Variants in TRAK1 observed in about 807,000 individuals in gnomAD.
TRAK1 encodes trafficking kinesin-binding protein 1.
Under a neutral mutation model 92.1 loss-of-function variants are expected in TRAK1, and 33 were observed. That is an observed-to-expected ratio of 0.36 (90% CI 0.27 to 0.48). The LOEUF is 0.48. Among genes scored for constraint, TRAK1 ranks in the 20% least tolerant of loss-of-function variants. The pLI is 0.99. For synonymous variants in TRAK1, 521 were observed against 517.3 expected, an observed-to-expected ratio of 1.01 and a Z score of -0.10; for missense variants, 1,123 against 1,257.9, an observed-to-expected ratio of 0.89 and a Z score of 1.62.
intron 10 of TRAK1, among the ~76,000 whole-genome samples, chr3:42,198,036 G>T (rs536845251): frequency 6.6e-6 from 1 of 152,340 alleles, no homozygotes; most frequent in African/African-American, 2.4e-5. Flanking sequence ...CCAGCACAGA[G>T]GATGCGTCCA....
At chr3:42,092,578 A>C (rs1705214275) in intron 1 of TRAK1, among the ~76,000 whole-genome samples, 1 of 152,138 alleles carries the variant, frequency 6.6e-6, no homozygotes, top group Non-Finnish European at 1.5e-5. Flanking sequence ...GAGAAGCTGT[A>C]AACCGAGTGA....
intron 3 of TRAK1, 46 bp downstream of exon 3, chr3:42,176,936 G>A: frequency 6.5e-7 from 1 of 1,538,116 alleles, no homozygotes; most frequent in South Asian, 1.1e-5. Context: ...TAATTGACTG[G>A]TTTTCATGGA....
intron 1 of TRAK1, among the ~76,000 whole-genome samples, chr3:42,023,111 T>C (rs1253316486): frequency 7.1e-6 from 1 of 141,026 alleles, no homozygotes; most frequent in Non-Finnish European, 1.5e-5. Flanking sequence ...TGAGCCGAGA[T>C]TGCGCCACTA....
At chr3:42,121,282 C>T (rs11708605) in intron 1 of TRAK1, among the ~76,000 whole-genome samples, 10,753 of 137,232 alleles carry the variant, frequency 0.078, 451 homozygotes, top group Middle Eastern at 0.17. Context: ...TTTTTTGAGA[C>T]GGAGTCTTGC....
rs375821310 is a variant in TRAK1 at position 42,045,186 on chromosome 3, G to T, written c.-519+31069G>T. Among the ~76,000 whole-genome samples, 60 of 152,114 alleles carry T rather than the reference G, an allele frequency of 3.9e-4. 2 individuals carry two copies. The South Asian group carries it at 0.012, about 30-fold the overall frequency. On this transcript the variant is annotated intron_variant, in intron 1 of 16. Coordinates refer to the TRAK1 transcript ENST00000487159. ...CTTCTGTTAAAGGAAACCTACTGTG[G>T]GAACTATTTGAGGGTAAAAATTTTG...
intron 14 of TRAK1, chr3:42,217,251 G>A (rs749718705): frequency 4.6e-5 from 45 of 985,196 alleles, no homozygotes; most frequent in Non-Finnish European, 5.3e-5. Flanking sequence ...AGGAAGGGAG[G>A]TGCAGCAGCA....
intron 1 of TRAK1, among the ~76,000 whole-genome samples, chr3:42,092,711 G>GTGGTA (rs1705249979): frequency 9.9e-6 from 1 of 101,068 alleles, no homozygotes; most frequent in African/African-American, 3.2e-5. Flanking sequence ...GTGTTGTGTT[G>GTGGTA]TGTTATGTTA....
chr3:42,175,317 G>A (rs1703059499), intron 2 of TRAK1, among the ~76,000 whole-genome samples: 1 of 152,188 alleles, frequency 6.6e-6, no homozygotes, highest in African/African-American at 2.4e-5. Flanking sequence ...CGGGTTGGTA[G>A]CATAGGAGTC....
chr3:42,096,308 A>G (rs1705904147), intron 1 of TRAK1, among the ~76,000 whole-genome samples: 1 of 152,094 alleles, frequency 6.6e-6, no homozygotes, highest in East Asian at 1.9e-4. Context: ...GCTGGAGTGT[A>G]GTAGTGTGAT....
chr3:42,142,148 CA>C (rs930604183), intron 2 of TRAK1, among the ~76,000 whole-genome samples: 1 of 152,112 alleles, frequency 6.6e-6, no homozygotes, highest in East Asian at 1.9e-4. Context: ...CAAAACAAAA[CA>C]AAAAAAGAAG....
At chr3:42,193,253 G>A (rs777711471) in intron 8 of TRAK1, 48 bp downstream of exon 8, 5 of 1,603,776 alleles carry the variant, frequency 3.1e-6, no homozygotes, top group Non-Finnish European at 3.4e-6. Flanking sequence ...GCCATGCTGA[G>A]ACGGGGAAGG....
chr3:42,132,265 G>GTT (rs1697311737), intron 2 of TRAK1, among the ~76,000 whole-genome samples: 1 of 145,434 alleles, frequency 6.9e-6, no homozygotes, highest in East Asian at 2.1e-4. Flanking sequence ...TTTGTTTGGT[G>GTT]TATTTTTTTT....
intron 1 of TRAK1, among the ~76,000 whole-genome samples, chr3:42,022,072 A>G (rs1196090859): frequency 6.6e-6 from 1 of 152,160 alleles, no homozygotes; most frequent in African/African-American, 2.4e-5. Flanking sequence ...AGTAACAGGA[A>G]TAGCCCCCAT....
intron 1 of TRAK1, among the ~76,000 whole-genome samples, chr3:42,077,480 C>T (rs1188479894): frequency 4.6e-5 from 7 of 151,998 alleles, no homozygotes; most frequent in Non-Finnish European, 8.8e-5. Flanking sequence ...GCAGAGACAG[C>T]GTTTCACCAT....
chr3:42,182,771 G>A (rs1447735296), intron 3 of TRAK1, among the ~76,000 whole-genome samples: 1 of 152,230 alleles, frequency 6.6e-6, no homozygotes, highest in Non-Finnish European at 1.5e-5. Context: ...CTGCAGTGAA[G>A]TTCCTGTGGT....
At chr3:42,157,718 A>G (rs776109063) in intron 2 of TRAK1, among the ~76,000 whole-genome samples, 2 of 152,184 alleles carry the variant, frequency 1.3e-5, no homozygotes, top group African/African-American at 4.8e-5. Flanking sequence ...ATTGTTCCAG[A>G]TTAAAGAAGA....
intron 2 of TRAK1, among the ~76,000 whole-genome samples, chr3:42,149,903 C>T (rs756040911): frequency 3.9e-4 from 59 of 152,116 alleles, no homozygotes; most frequent in African/African-American, 1.4e-3. Context: ...TGGTGTGAGA[C>T]GTGAGTGTGT....
intron 14 of TRAK1, chr3:42,218,018 G>T (rs1030928221): frequency 1.0e-6 from 1 of 984,982 alleles, no homozygotes; most frequent in African/African-American, 1.8e-5. Context: ...TCCTGTGGCC[G>T]TGGTGCTGGC....
intron 2 of TRAK1, among the ~76,000 whole-genome samples, chr3:42,173,103 G>A (rs778057988): frequency 1.3e-4 from 20 of 152,240 alleles, no homozygotes; most frequent in Admixed American, 8.5e-4. Context: ...CCAAGATTGC[G>A]CCATGGTACT....
Sources: allele counts gnomAD v4.1 joint callset (sites outside exome capture counted in the v4.1 genomes callset), GRCh38; gene constraint gnomAD v4.1.1; transcripts MANE v1.5; gene names NCBI Gene and HGNC (gene_info 2026-07-23, HGNC 2026-07-21).